PLCL1: variants seen among roughly 807,000 people sequenced by gnomAD.
PLCL1 encodes phospholipase C like 1 (inactive), also known as inactive phospholipase C-like protein 1.
A neutral mutation model predicts 84.4 loss-of-function variants in PLCL1; 41 were observed. The ratio of observed to expected loss-of-function variants is 0.49; its 90% CI spans 0.38 to 0.63. The LOEUF (loss-of-function observed/expected upper bound fraction) is 0.63, where lower values mean the gene tolerates loss of function less well. Ranked by LOEUF, PLCL1 falls within the 30% of genes least tolerant of loss-of-function variation. The pLI, the probability that PLCL1 is intolerant of heterozygous loss-of-function variation, is 0.00. For synonymous variants in PLCL1, 490 were observed against 488.3 expected, an observed-to-expected ratio of 1.00 and a Z score of -0.05; for missense variants, 1,206 against 1,367.8, an observed-to-expected ratio of 0.88 and a Z score of 1.87.
At chr2:197,830,895 G>T in intron 1 of PLCL1, among the ~76,000 whole-genome samples, 1 of 152,262 alleles carries the variant, frequency 6.6e-6, no homozygotes, top group East Asian at 1.9e-4. Flanking sequence ...TTTCAACCCA[G>T]AATTTCATAT....
chr2:198,046,653 C>T (rs137860851), intron 1 of PLCL1, among the ~76,000 whole-genome samples: 48 of 152,178 alleles, frequency 3.2e-4, no homozygotes, highest in African/African-American at 1.2e-3. Context: ...GCCTGGGCAA[C>T]GTGGTAAAAT....
chr2:197,839,622 T>C (rs1214046692), intron 1 of PLCL1, among the ~76,000 whole-genome samples: 7 of 152,188 alleles, frequency 4.6e-5, no homozygotes, highest in East Asian at 1.9e-4. Context: ...AGCCATGGGA[T>C]TGGGGACCCC....
intron 1 of PLCL1, among the ~76,000 whole-genome samples, chr2:197,822,431 C>T (rs1690833415): frequency 6.6e-6 from 1 of 152,180 alleles, no homozygotes. Flanking sequence ...TTTAAGTTCT[C>T]ACATGACAGC....
intron 1 of PLCL1, among the ~76,000 whole-genome samples, chr2:197,900,083 T>G (rs1688235285): frequency 6.6e-6 from 1 of 152,242 alleles, no homozygotes; most frequent in South Asian, 2.1e-4. Context: ...TTTATAGCAC[T>G]TAACACCTCC....
At chr2:197,924,029 C>T (rs889216284) in intron 1 of PLCL1, among the ~76,000 whole-genome samples, 6 of 144,060 alleles carry the variant, frequency 4.2e-5, no homozygotes, top group South Asian at 2.5e-4. Context: ...TGCCTGCAAT[C>T]GCAGGCACTC....
At position 198,043,398 on chromosome 2, in the gene PLCL1, C is replaced by T. The variant is rs191458480; in HGVS notation, c.241-40360C>T. Reference sequence around the variant, plus strand: ...AGCAAATATACTTGTAAACAGCTGTCTCTACTGGGTAGGTGAAGTCCTGTG... The same window carrying T: ...AGCAAATATACTTGTAAACAGCTGTTTCTACTGGGTAGGTGAAGTCCTGTG... On this transcript the variant is annotated intron_variant, in intron 1 of 5. Transcript: ENST00000428675. Among the ~76,000 whole-genome samples the T allele has an allele frequency of 3.8e-3, 582 of 152,254 alleles. 5 individuals are homozygous for T. Among genetic ancestry groups the T allele is most frequent in the African/African-American group, 0.013 (557 of 41,560 alleles).
rs1293381569 is a variant in PLCL1, at chr2:198,086,115, G to A, written c.2598G>A (p.Gly866=). The change falls in exon 2 of 6, where the codon GGG becomes GGA. Residue 866 remains glycine (G), a synonymous_variant. Coordinates refer to ENST00000428675, the MANE Select transcript of PLCL1 (RefSeq NM_006226.4). ...AGCGCAGTCTTTCAGTGAGAATGGG[G>A]AAGAAAGTTCGGGAATATACCATGC... ...AQKRSLSVRM[G]KKVREYTMLR... 4 of 1,613,946 alleles carry A rather than the reference G, an allele frequency of 2.5e-6. No homozygotes were observed. In the East Asian group the frequency reaches 6.7e-5, roughly 27 times the overall value.
intron 1 of PLCL1, among the ~76,000 whole-genome samples, chr2:197,958,974 G>A (rs1188926850): frequency 6.6e-6 from 1 of 151,920 alleles, no homozygotes; most frequent in Non-Finnish European, 1.5e-5. Context: ...GGATCATCTT[G>A]GGGAGCTGCC....
chr2:197,943,115 T>C lies in PLCL1; in HGVS notation c.240+137776T>C, dbSNP rs184661777. Among the ~76,000 whole-genome samples the C allele has an allele frequency of 6.7e-4, 101 of 150,206 alleles. No individual in the cohort carries two copies. In the Middle Eastern group the frequency reaches 0.027, roughly 41 times the overall value. On this transcript the variant is annotated intron_variant, in intron 1 of 5. Transcript: ENST00000428675. ...CGGGGGTGGGGGAGCCTGGAATCAC[T>C]TGCGCCCAGGAGGTGGAGGTTGCAG...
chr2:197,955,351 A>G (rs1689464391), intron 1 of PLCL1, among the ~76,000 whole-genome samples: 1 of 151,430 alleles, frequency 6.6e-6, no homozygotes, highest in African/African-American at 2.4e-5. Context: ...TGTTCCTATA[A>G]CTCTAGCCAG....
rs141586697 is a variant in PLCL1 at position 197,955,701 on chromosome 2, C to T, written c.241-128057C>T. On this transcript the variant is annotated intron_variant, in intron 1 of 5. Coordinates refer to ENST00000428675, the MANE Select transcript of PLCL1 (RefSeq NM_006226.4). Reference sequence around the variant, plus strand: ...ATGGCTTCCAGCTTCATCCATGTGCCGGCAAAGGACATGATCTCATGCCAT... The same window carrying T: ...ATGGCTTCCAGCTTCATCCATGTGCTGGCAAAGGACATGATCTCATGCCAT... 1.4e-3 allele frequency among the ~76,000 whole-genome samples: 217 copies of T among 151,822 alleles called. 3 individuals are homozygous for T. The South Asian group carries it at 0.018, about 13-fold the overall frequency.
intron 1 of PLCL1, among the ~76,000 whole-genome samples, chr2:197,899,267 TAGAC>T (rs1402721217): frequency 3.3e-5 from 5 of 152,080 alleles, no homozygotes; most frequent in Non-Finnish European, 5.9e-5. Flanking sequence ...TTCATTTACT[TAGAC>T]AGACTAAGGA....
intron 1 of PLCL1, among the ~76,000 whole-genome samples, chr2:197,924,986 T>C (rs955056694): frequency 6.6e-6 from 1 of 152,182 alleles, no homozygotes; most frequent in Non-Finnish European, 1.5e-5. Context: ...ATCTGAAATG[T>C]AGCATAATAT....
chr2:197,903,970 T>G (rs1281942415), intron 1 of PLCL1, among the ~76,000 whole-genome samples: 1 of 151,396 alleles, frequency 6.6e-6, no homozygotes, highest in Non-Finnish European at 1.5e-5. Context: ...ACCCAACTAA[T>G]TTTTGTATTT....
At chr2:198,125,702 A>G (rs939956153) in intron 5 of PLCL1, among the ~76,000 whole-genome samples, 1 of 152,164 alleles carries the variant, frequency 6.6e-6, no homozygotes, top group Non-Finnish European at 1.5e-5. Context: ...TCATGGTGGG[A>G]GATATGCTTT....
chr2:198,114,352 C>T (rs1054083463), intron 5 of PLCL1, among the ~76,000 whole-genome samples: 4 of 151,674 alleles, frequency 2.6e-5, no homozygotes, highest in Non-Finnish European at 4.4e-5. Flanking sequence ...CTTGGAGGTA[C>T]ACTTTTTTTT....
chr2:197,887,367 C>T (rs941814021), intron 1 of PLCL1, among the ~76,000 whole-genome samples: 1 of 152,068 alleles, frequency 6.6e-6, no homozygotes, highest in Non-Finnish European at 1.5e-5. Flanking sequence ...TTAGGAACAT[C>T]TTTTACAAGA....
chr2:197,987,306 T>C (rs149323707), intron 1 of PLCL1, among the ~76,000 whole-genome samples: 83 of 152,320 alleles, frequency 5.4e-4, no homozygotes, highest in African/African-American at 2.0e-3. Flanking sequence ...TGTTAAGTAA[T>C]ATCACAAATA....
At chr2:197,885,824 A>G (rs1204640721) in intron 1 of PLCL1, among the ~76,000 whole-genome samples, 1 of 152,170 alleles carries the variant, frequency 6.6e-6, no homozygotes, top group Non-Finnish European at 1.5e-5. Context: ...TGAATTGACC[A>G]CGGTGTGGAG....
Sources: allele counts gnomAD v4.1 joint callset (sites outside exome capture counted in the v4.1 genomes callset), GRCh38; gene constraint gnomAD v4.1.1; transcripts MANE v1.5; gene names NCBI Gene and HGNC (gene_info 2026-07-23, HGNC 2026-07-21).